Variants in PDCD6 observed in about 807,000 individuals in gnomAD.
PDCD6 encodes the protein programmed cell death protein 6.
In PDCD6, 12 loss-of-function variants were observed where a neutral mutation model predicts 28.3. The ratio of observed to expected loss-of-function variants is 0.42; its 90% CI spans 0.27 to 0.69. The LOEUF is 0.69. Among genes scored for constraint, PDCD6 ranks in the 30% least tolerant of loss-of-function variants. The pLI, the probability that PDCD6 is intolerant of heterozygous loss-of-function variation, is 0.22. For missense variants in PDCD6, 226 were observed against 269.9 expected, an observed-to-expected ratio of 0.84 and a Z score of 1.14; for synonymous variants, 92 against 108.0, an observed-to-expected ratio of 0.85 and a Z score of 0.92.
chr5:277,710 G>A (rs142568797), intron 2 of PDCD6, among the ~76,000 whole-genome samples: 2,723 of 152,048 alleles, frequency 0.018, 81 homozygotes, highest in African/African-American at 0.062. Flanking sequence ...CTGGGATTAC[G>A]GGCGTGAGCC....
At chr5:304,274 G>C in intron 3 of PDCD6, 53 bp downstream of exon 3, 1 of 1,250,686 alleles carries the variant, frequency 8.0e-7, no homozygotes, top group Non-Finnish European at 1.1e-6. Context: ...GACCCGCTTG[G>C]GTACCCGCTT....
At chr5:302,179 C>T (rs1419520242) in intron 2 of PDCD6, among the ~76,000 whole-genome samples, 2 of 108,998 alleles carry the variant, frequency 1.8e-5, no homozygotes, top group Non-Finnish European at 3.6e-5. Flanking sequence ...GAGGGCGGGT[C>T]GTGGAGTGCT....
At chr5:299,863 T>TTA (rs1739942298) in intron 2 of PDCD6, among the ~76,000 whole-genome samples, 1 of 151,900 alleles carries the variant, frequency 6.6e-6, no homozygotes, top group Non-Finnish European at 1.5e-5. Flanking sequence ...TTTTTTTTTT[T>TTA]ATTTTTTTAT....
At position 306,650 on chromosome 5, in the gene PDCD6, C is replaced by T. The variant is rs751042838; in HGVS notation, c.257C>T (p.Thr86Met). ...NKAGVNFSEFTGVWKYITDWQ... is the reference protein window; with the variant it reads ...NKAGVNFSEFMGVWKYITDWQ... ...GCCGGCGTGAACTTCAGCGAGTTCA[C>T]GGGTGTGTGGAAGTACATCACGGAC... Residue 86 changes from threonine (T) to methionine (M), a missense_variant, in exon 4 of 6, where the codon ACG (threonine) becomes ATG (methionine). By Grantham distance (81) the Thr-to-Met change is moderately conservative. Around this residue, in one of 3 missense-constraint regions of PDCD6, gnomAD observed 151 missense variants for 177.2 expected, o/e 0.85. Transcript: ENST00000264933. The T allele has an allele frequency of 2.5e-6, 4 of 1,613,878 alleles. No homozygotes were observed. Among genetic ancestry groups the T allele is most frequent in the African/African-American group, 1.3e-5 (1 of 75,008 alleles).
In PDCD6 at chr5:307,082, G is replaced by A. The variant is rs539000441; in HGVS notation, c.367+322G>A. Among the ~76,000 whole-genome samples, 4 of 152,292 alleles carry A rather than the reference G, an allele frequency of 2.6e-5. No homozygotes were observed. The South Asian group carries it at 6.2e-4, about 24-fold the overall frequency. ...AAGTGGATCCATGAAAATACCGTGG[G>A]GCAGGGCAGCTTATATTTCATGATA... is the stretch of plus-strand genomic sequence containing the variant. On this transcript the variant is annotated intron_variant, in intron 4 of 5. Coordinates refer to ENST00000264933, the MANE Select transcript of PDCD6 (RefSeq NM_013232.4). This position sits in a 1 kb window ranked among gnomAD's most constrained non-coding sequence, Gnocchi z 6.1.
chr5:299,546 T>G (rs1267192261), intron 2 of PDCD6, among the ~76,000 whole-genome samples: 1 of 136,854 alleles, frequency 7.3e-6, no homozygotes, highest in East Asian at 2.0e-4. Flanking sequence ...TACGTTCTTT[T>G]GAAGGTTTTT....
chr5:280,072 A>G (rs538573920), intron 2 of PDCD6, among the ~76,000 whole-genome samples: 260 of 150,808 alleles, frequency 1.7e-3, no homozygotes, highest in Non-Finnish European at 3.2e-3. Context: ...CCCGATAGAG[A>G]GGGTTTGTGT....
At position 289,759 on chromosome 5, in the gene PDCD6, G is replaced by C. The variant is rs530662940; in HGVS notation, c.164-14418G>C. 3.9e-5 allele frequency: 37 copies of C among 936,822 alleles called. No homozygotes were observed. The Admixed American group carries it at 4.9e-4, about 12-fold the overall frequency. The allele number at this position is 936,822 out of a possible 1,614,324, so 58.0% of individuals were successfully genotyped here. ...TGTGCTGTCAGGCGACCCATTTGTTGTCATGGGGGCTGACAAAGAAACCTT... is the reference window on the plus strand; with the variant it reads ...TGTGCTGTCAGGCGACCCATTTGTTCTCATGGGGGCTGACAAAGAAACCTT... On this transcript the variant is annotated intron_variant, in intron 2 of 5. Transcript: ENST00000264933.
chr5:280,828 AG>A (rs1387981934), intron 2 of PDCD6, among the ~76,000 whole-genome samples: 1 of 145,080 alleles, frequency 6.9e-6, no homozygotes, highest in African/African-American at 2.6e-5. Flanking sequence ...GGCATTTAAG[AG>A]GGGAGACCAT....
chr5:280,914 T>A (rs560486311), intron 2 of PDCD6, among the ~76,000 whole-genome samples: 2 of 152,300 alleles, frequency 1.3e-5, no homozygotes, highest in East Asian at 3.9e-4. Flanking sequence ...GCTCAAGTGA[T>A]GGGAATATGT....
rs35224887 is a variant in PDCD6 at position 279,783 on chromosome 5, CAAAAAAAAA to C, written c.163+7026_163+7034del. Among the ~76,000 whole-genome samples, 93 of 75,584 alleles carry C rather than the reference CAAAAAAAAA, an allele frequency of 1.2e-3. 1 individual carries two copies. Among genetic ancestry groups the C allele is most frequent in the Non-Finnish European group, 1.5e-3 (68 of 43,894 alleles). 49.6% of individuals were successfully genotyped at this position (75,584 alleles called of 152,430 possible). A position where few individuals can be genotyped will look rare whatever the true frequency, so the allele number is the denominator to read the frequency against. The stretch of plus-strand genomic sequence containing the variant: ...GTGCAGCAGTCATTAAAAGTAATGG[CAAAAAAAAA>C]AAAAAAAAAAAAAACGAGGAGCCGG... On this transcript the variant is annotated intron_variant, in intron 2 of 5. Coordinates refer to ENST00000264933, the MANE Select transcript of PDCD6 (RefSeq NM_013232.4).
At chr5:285,906 G>A (rs1270101157) in intron 2 of PDCD6, among the ~76,000 whole-genome samples, 2 of 151,682 alleles carry the variant, frequency 1.3e-5, no homozygotes, top group African/African-American at 4.9e-5. Flanking sequence ...ACCCAGGGGT[G>A]AGCTGATGTT....
intron 2 of PDCD6, among the ~76,000 whole-genome samples, chr5:296,210 C>G (rs1739599285): frequency 6.6e-6 from 1 of 152,164 alleles, no homozygotes; most frequent in South Asian, 2.1e-4. Context: ...ACAATCAGGC[C>G]AGTTCAACAC....
At chr5:274,258 A>G (rs556892657) in intron 2 of PDCD6, among the ~76,000 whole-genome samples, 1 of 152,370 alleles carries the variant, frequency 6.6e-6, no homozygotes, top group South Asian at 2.1e-4. Context: ...TTTATGATCC[A>G]TTTTAACAGC....
chr5:306,488 T>C, intron 3 of PDCD6, 114 bp from the exon 4 acceptor site: 5 of 895,190 alleles, frequency 5.6e-6, no homozygotes, highest in South Asian at 1.4e-5. Context: ...AGTCCCTGGT[T>C]AGTGGTCAGC....
intron 2 of PDCD6, among the ~76,000 whole-genome samples, chr5:298,966 C>T (rs1216913916): frequency 4.9e-5 from 1 of 20,290 alleles, no homozygotes; most frequent in African/African-American, 2.3e-4. Context: ...CCACTAGCTG[C>T]TCCCCCCAGC....
At chr5:282,526 G>A (rs941781789) in intron 2 of PDCD6, among the ~76,000 whole-genome samples, 1 of 148,852 alleles carries the variant, frequency 6.7e-6, no homozygotes, top group African/African-American at 2.5e-5. Flanking sequence ...AGGAGCTGAT[G>A]TTCTAACTTG....
In PDCD6 at chr5:271,754, G is replaced by A. The variant is rs201564379; in HGVS notation, c.34G>A (p.Ala12Thr). The change falls in exon 1 of 6, where the codon GCC (alanine) becomes ACC (threonine). Residue 12 changes from alanine to threonine, a missense_variant. This residue lies in a region of PDCD6 where 72 missense variants were observed against 71.4 expected (regional missense o/e 1.01). Transcript: ENST00000264933. The part of the protein sequence containing the change: ...AAYSYRPGPG[A>T]GPGPAAGAAL... ...CTACTCTTACCGCCCCGGCCCTGGG[G>A]CCGGCCCTGGGCCTGCTGCAGGCGC... is the stretch of plus-strand genomic sequence containing the variant. 8.7e-5 allele frequency: 103 copies of A among 1,178,350 alleles called. No homozygotes were observed. The South Asian group carries it at 1.4e-3, about 16-fold the overall frequency. 73.0% of individuals were successfully genotyped at this position (1,178,350 alleles called of 1,614,324 possible).
chr5:283,920 AAG>A (rs1738761413), intron 2 of PDCD6, among the ~76,000 whole-genome samples: 1 of 149,744 alleles, frequency 6.7e-6, no homozygotes, highest in East Asian at 2.0e-4. Context: ...CATGCAGCTG[AAG>A]AGCCAGGGAG....
Sources: allele counts gnomAD v4.1 joint callset (sites outside exome capture counted in the v4.1 genomes callset), GRCh38; gene constraint gnomAD v4.1.1; regional missense constraint gnomAD v4.1.1; non-coding constraint Gnocchi (gnomAD v3.1); transcripts MANE v1.5; gene names NCBI Gene and HGNC (gene_info 2026-07-23, HGNC 2026-07-21).